Variants in ZNF385D observed in about 807,000 individuals in gnomAD.
The protein encoded by ZNF385D is zinc finger protein 385D, also known as zinc finger protein 659.
In ZNF385D, 15 loss-of-function variants were observed where a neutral mutation model predicts 35.8. That is an observed-to-expected ratio of 0.42 (90% CI 0.28 to 0.64). ZNF385D has a LOEUF of 0.64. ZNF385D is among the 30% of genes least tolerant of loss of function. The probability of loss-of-function intolerance (pLI) is 0.23; values close to 1 mark genes in which losing one functional copy is unlikely to be tolerated. For synonymous variants in ZNF385D, 212 were observed against 186.8 expected (o/e 1.13, Z -1.10); for missense variants, 474 against 494.6 (o/e 0.96, Z 0.39).
intron 2 of ZNF385D, among the ~76,000 whole-genome samples, chr3:22,360,557 TA>T (rs1445522136): frequency 1.3e-5 from 2 of 152,148 alleles, no homozygotes; most frequent in African/African-American, 4.8e-5. Context: ...CTCGATTTAT[TA>T]AAACCTTAGT....
Position 21,670,647 on chromosome 3 carries a change from G to GCCCCCCCCCCCCCCCC in ZNF385D, c.23-5620_23-5619insGGGGGGGGGGGGGGGG, listed in dbSNP as rs1575432248. On this transcript the variant is annotated intron_variant, in intron 1 of 7. Coordinates refer to ENST00000281523, the MANE Select transcript of ZNF385D (RefSeq NM_024697.3). The stretch of plus-strand genomic sequence containing the variant: ...CTGAGAAATAAAAATGAAATCCTAA[G>GCCCCCCCCCCCCCCCC]GCGCCCCCCCCCCCCCCCCCCCCCC... 1.3e-4 allele frequency among the ~76,000 whole-genome samples: 2 copies of GCCCCCCCCCCCCCCCC among 15,758 alleles called. 1 individual carries two copies. Among genetic ancestry groups the GCCCCCCCCCCCCCCCC allele is most frequent in the African/African-American group, 4.9e-4 (2 of 4,068 alleles). 10.3% of individuals were successfully genotyped at this position (15,758 alleles called of 152,430 possible).
intron 4 of ZNF385D, among the ~76,000 whole-genome samples, chr3:21,452,162 T>C (rs1450855649): frequency 6.6e-6 from 1 of 152,064 alleles, no homozygotes; most frequent in Non-Finnish European, 1.5e-5. Flanking sequence ...AGATTTCTAA[T>C]ACCTACTTAT....
chr3:22,223,565 G>C (rs1306715232), intron 2 of ZNF385D, among the ~76,000 whole-genome samples: 1 of 152,036 alleles, frequency 6.6e-6, no homozygotes, highest in Non-Finnish European at 1.5e-5. Flanking sequence ...AAAGTATGTG[G>C]CAGGGTTCCT....
At chr3:22,265,622 G>C (rs780121832) in intron 2 of ZNF385D, among the ~76,000 whole-genome samples, 4 of 151,856 alleles carry the variant, frequency 2.6e-5, no homozygotes, top group Non-Finnish European at 2.9e-5. Context: ...TATGACACAA[G>C]GTCTATGAGT....
chr3:22,190,230 G>C (rs754556527), intron 2 of ZNF385D, among the ~76,000 whole-genome samples: 1 of 152,092 alleles, frequency 6.6e-6, no homozygotes, highest in South Asian at 2.1e-4. Flanking sequence ...TCAAATCTAT[G>C]AGATGGGAAA....
At chr3:21,570,700 C>T (rs2063309192) in intron 2 of ZNF385D, among the ~76,000 whole-genome samples, 1 of 152,074 alleles carries the variant, frequency 6.6e-6, no homozygotes, top group Non-Finnish European at 1.5e-5. Context: ...TTTTATGGCC[C>T]TTTGTCCAAT....
At position 22,155,418 on chromosome 3, in the gene ZNF385D, GA is replaced by G. The variant is rs1705522046; in HGVS notation, c.325+13398del. 2.6e-5 allele frequency among the ~76,000 whole-genome samples: 4 copies of G among 152,044 alleles called. No homozygotes were observed. The South Asian group carries it at 8.3e-4, about 32-fold the overall frequency. ...TCTGGAACTAAAGAGATTTCTTAAGGAAATTCTATATGAAGGGAAGGAAAAT... is the reference window on the plus strand; with the variant it reads ...TCTGGAACTAAAGAGATTTCTTAAGGAATTCTATATGAAGGGAAGGAAAAT... On this transcript the variant is annotated intron_variant, in intron 3 of 5. Transcript: ENST00000494108.
At chr3:21,861,278 T>C (rs1697040536) in intron 3 of ZNF385D, among the ~76,000 whole-genome samples, 2 of 152,142 alleles carry the variant, frequency 1.3e-5, no homozygotes, top group Non-Finnish European at 2.9e-5. Context: ...TCTGCCACTA[T>C]AAACTGGAAA....
intron 1 of ZNF385D, among the ~76,000 whole-genome samples, chr3:21,715,675 A>C (rs1005085816): frequency 2.0e-5 from 3 of 152,100 alleles, no homozygotes; most frequent in Non-Finnish European, 4.4e-5. Context: ...AGAAATCCAC[A>C]TACTGTTTTC....
intron 2 of ZNF385D, among the ~76,000 whole-genome samples, chr3:22,292,817 G>T (rs1208076351): frequency 6.6e-6 from 1 of 151,930 alleles, no homozygotes; most frequent in Non-Finnish European, 1.5e-5. Context: ...CTTTCTGGGG[G>T]CAAAATTCTA....
chr3:21,838,554 C>T (rs1433933221), intron 3 of ZNF385D, among the ~76,000 whole-genome samples: 1 of 152,020 alleles, frequency 6.6e-6, no homozygotes, highest in South Asian at 2.1e-4. Flanking sequence ...CCAACAGCCA[C>T]TAAAAAACAA....
At chr3:22,029,127 C>T (rs1049216982) in intron 3 of ZNF385D, among the ~76,000 whole-genome samples, 1 of 152,134 alleles carries the variant, frequency 6.6e-6, no homozygotes, top group African/African-American at 2.4e-5. Flanking sequence ...GGAGACACAA[C>T]AATTCCATTA....
intron 2 of ZNF385D, among the ~76,000 whole-genome samples, chr3:22,286,585 G>A (rs1234933318): frequency 6.6e-6 from 1 of 152,046 alleles, no homozygotes; most frequent in Non-Finnish European, 1.5e-5. Flanking sequence ...TGCATAAGGC[G>A]ATATGTGGTG....
chr3:22,003,462 G>T (rs376254932), intron 3 of ZNF385D, among the ~76,000 whole-genome samples: 1 of 152,162 alleles, frequency 6.6e-6, no homozygotes, highest in African/African-American at 2.4e-5. Flanking sequence ...TATGCTCATG[G>T]ATTGGTAGAA....
intron 2 of ZNF385D, among the ~76,000 whole-genome samples, chr3:21,589,833 G>A (rs1217993312): frequency 6.6e-6 from 1 of 151,912 alleles, no homozygotes; most frequent in Non-Finnish European, 1.5e-5. Flanking sequence ...TTAAAAAAAT[G>A]TATAACAGTA....
chr3:22,071,515 G>A (rs1434405368), intron 3 of ZNF385D, among the ~76,000 whole-genome samples: 1 of 152,064 alleles, frequency 6.6e-6, no homozygotes, highest in Non-Finnish European at 1.5e-5. Flanking sequence ...TGCCTTCATT[G>A]GCCTTTGCTC....
chr3:22,194,812 A>C (rs967386504), intron 2 of ZNF385D, among the ~76,000 whole-genome samples: 1 of 151,888 alleles, frequency 6.6e-6, no homozygotes, highest in African/African-American at 2.4e-5. Flanking sequence ...CTTCCAAATT[A>C]TGTGTATTAA....
chr3:21,799,537 G>A (rs1269965566), intron 3 of ZNF385D, among the ~76,000 whole-genome samples: 1 of 151,984 alleles, frequency 6.6e-6, no homozygotes, highest in Non-Finnish European at 1.5e-5. Flanking sequence ...CGTGATTTTT[G>A]ACTTTTCATA....
At chr3:22,116,260 C>T (rs892452282) in intron 3 of ZNF385D, among the ~76,000 whole-genome samples, 1 of 151,996 alleles carries the variant, frequency 6.6e-6, no homozygotes, top group Non-Finnish European at 1.5e-5. Context: ...TCCCGGATGT[C>T]TACATTTGAC....
Sources: allele counts gnomAD v4.1 joint callset (sites outside exome capture counted in the v4.1 genomes callset), GRCh38; gene constraint gnomAD v4.1.1; transcripts MANE v1.5; gene names NCBI Gene and HGNC (gene_info 2026-07-23, HGNC 2026-07-21).